IGFN1: variants seen among roughly 807,000 people sequenced by gnomAD.
IGFN1 encodes the protein immunoglobulin like and fibronectin type III domain containing 1, also known as immunoglobulin-like and fibronectin type III domain-containing protein 1.
A neutral mutation model predicts 289.5 loss-of-function variants in IGFN1; 253 were observed. That is an observed-to-expected ratio of 0.87 (90% CI 0.79 to 0.97). The LOEUF (loss-of-function observed/expected upper bound fraction) is 0.97. IGFN1 is among the 50% of genes least tolerant of loss of function. The pLI, the probability that IGFN1 is intolerant of heterozygous loss-of-function variation, is 0.00. For missense variants in IGFN1, 4,470 were observed against 4,686.1 expected (o/e 0.95, Z 1.35); for synonymous variants, 1,706 against 1,788.5 (o/e 0.95, Z 1.16).
chr1:201,228,394 A>G lies in IGFN1; in HGVS notation c.11122A>G (p.Thr3708Ala). ...TATCCTGTGTCTTGCAGAACCCAGC[A>G]CCTAGCCTCACCTCACCCTGGGATG... The part of the protein sequence containing the change: ...TATLIVIEPS[T>A] The change falls in exon 24 of 24, where the codon ACC becomes GCC. Residue 3708 changes from threonine to alanine, a missense_variant. Transcript: ENST00000335211. 6.2e-7 allele frequency: 1 copy of G among 1,613,952 alleles called. No individual in the cohort carries two copies. The highest frequency in any genetic ancestry group is 8.5e-7 in the Non-Finnish European group (1 of 1,179,954).
intron 4 of IGFN1, 76 bp from the exon 5 acceptor site, chr1:201,197,142 C>A: frequency 1.2e-6 from 1 of 865,656 alleles, no homozygotes; most frequent in South Asian, 1.5e-5. Context: ...TTTATACCCC[C>A]AACACATAGC....
At chr1:201,192,592 G>C (rs1244178680) in intron 1 of IGFN1, among the ~76,000 whole-genome samples, 1 of 152,190 alleles carries the variant, frequency 6.6e-6, no homozygotes, top group African/African-American at 2.4e-5. Flanking sequence ...GATTTATGGG[G>C]ATCCTACAGG....
Position 201,228,718 on chromosome 1 carries a change from C to A in IGFN1, c.*319C>A. On this transcript the variant is annotated 3_prime_UTR_variant, in exon 24 of 24. Transcript: ENST00000335211. ...GAGGGCACCTGCCTGCAGGATGGGC[C>A]GGCTCCTTATTTTCCTGGGCTGAGC... 2.5e-6 allele frequency: 1 copy of A among 399,414 alleles called. No homozygotes were observed. Among genetic ancestry groups the A allele is most frequent in the Non-Finnish European group, 4.6e-6 (1 of 217,176 alleles). 24.7% of individuals were successfully genotyped at this position (399,414 alleles called of 1,614,324 possible).
chr1:201,228,493 GC>G lies in IGFN1; in HGVS notation c.*97del. On this transcript the variant is annotated 3_prime_UTR_variant, in exon 24 of 24. Coordinates refer to ENST00000335211, the MANE Select transcript of IGFN1 (RefSeq NM_001164586.2). ...AGCCAATCCCAAGGATGGAGGCTGTGCCCAGAGCCCCAGGAAAATGGGAGTG... is the reference window on the plus strand; with the variant it reads ...AGCCAATCCCAAGGATGGAGGCTGTGCCAGAGCCCCAGGAAAATGGGAGTG... 7.4e-7 allele frequency: 1 copy of G among 1,344,996 alleles called. No individual in the cohort carries two copies. The highest frequency in any genetic ancestry group is 1.2e-5 in the South Asian group (1 of 85,714). 83.3% of individuals were successfully genotyped at this position (1,344,996 alleles called of 1,614,324 possible).
rs1298734195 is a variant in IGFN1, at chr1:201,207,885, C to A, written c.2992C>A (p.Pro998Thr). The change falls in exon 12 of 24, where the codon CCT becomes ACT. Residue 998 changes from proline (P) to threonine (T), a missense_variant. Pro to Thr is a conservative substitution (Grantham distance 38). Coordinates refer to ENST00000335211, the MANE Select transcript of IGFN1 (RefSeq NM_001164586.2). ...TGGTTGTAGAGTTTCCCCTAGGGCA[C>A]CTGCGGGAGTGGAGTCTGAGGAAGG... Reference protein sequence around the residue: ...GAGCRVSPRAPAGVESEEGGG... With the variant: ...GAGCRVSPRATAGVESEEGGG... 1.6e-5 allele frequency: 25 copies of A among 1,536,170 alleles called. No homozygotes were observed. The highest frequency in any genetic ancestry group is 2.0e-5 in the Non-Finnish European group (23 of 1,146,430).
chr1:201,196,847 T>C (rs1052639340), intron 4 of IGFN1, among the ~76,000 whole-genome samples: 1 of 152,180 alleles, frequency 6.6e-6, no homozygotes, highest in African/African-American at 2.4e-5. Flanking sequence ...ATTCACCACT[T>C]TTTTGAGGTA....
In IGFN1 at chr1:201,206,411, T is replaced by G. The variant is rs533728016; in HGVS notation, c.1518T>G (p.Asn506Lys). 71 of 1,550,718 alleles carry G rather than the reference T, an allele frequency of 4.6e-5. No homozygotes were observed. In the East Asian group the frequency reaches 7.8e-4, roughly 17 times the overall value. ...GCAGAGCCACTCTTCCCAGGGAAAA[T>G]CAATCCCACAGAGAGGGAGGCTGGG... ...EGSRATLPRE[N>K]QSHREGGWAR... Residue 506 changes from asparagine to lysine, a missense_variant, in exon 12 of 24, where the codon AAT becomes AAG. Around this residue, in one of 8 missense-constraint regions of IGFN1, gnomAD observed 2,011 missense variants for 1,953.4 expected, o/e 1.03. Transcript: ENST00000335211.
At chr1:201,214,333 A>C (rs774222419) in intron 13 of IGFN1, 32 bp downstream of exon 13, 1 of 1,580,512 alleles carries the variant, frequency 6.3e-7, no homozygotes, top group African/African-American at 1.3e-5. Flanking sequence ...TCTCTTTACC[A>C]GTGGGAGGGA....
chr1:201,222,861 C>G (rs1425833433), intron 20 of IGFN1, 34 bp downstream of exon 20: 1 of 1,493,962 alleles, frequency 6.7e-7, no homozygotes. Flanking sequence ...GGGAGGGAAG[C>G]CCAGAGAGGC....
Position 201,197,224 on chromosome 1 carries a change from A to C in IGFN1, c.274A>C (p.Lys92Gln), listed in dbSNP as rs551342884. Residue 92 changes from lysine (K) to glutamine (Q), a missense_variant, in exon 5 of 24, where the codon AAG (lysine) becomes CAG (glutamine). Lys to Gln is a moderately conservative substitution (Grantham distance 53). Around this residue, in one of 8 missense-constraint regions of IGFN1, gnomAD observed 2,011 missense variants for 1,953.4 expected, o/e 1.03. Coordinates refer to ENST00000335211, the MANE Select transcript of IGFN1 (RefSeq NM_001164586.2). ...GSKEHVLQINKLTGEDTDLYR... is the reference protein window; with the variant it reads ...GSKEHVLQINQLTGEDTDLYR... ...GCCCTTGGCCTCTCTGCAGATCAAC[A>C]AGCTGACAGGCGAGGACACGGATCT... 9.7e-6 allele frequency: 15 copies of C among 1,549,922 alleles called. No individual in the cohort carries two copies. The South Asian group carries it at 1.8e-4, about 18-fold the overall frequency.
chr1:201,199,308 C>T lies in IGFN1; in HGVS notation c.368-26C>T, dbSNP rs1225022926. The T allele has an allele frequency of 1.9e-6, 3 of 1,550,852 alleles. No homozygotes were observed. The East Asian group carries it at 7.3e-5, about 38-fold the overall frequency. ...TCTCCCTGCTTGTCCACATCGACTC[C>T]TTCCTCTCCTCCCTGGATGTTGCAG... On this transcript the variant is annotated intron_variant, in intron 5 of 23. Coordinates refer to ENST00000335211, the MANE Select transcript of IGFN1 (RefSeq NM_001164586.2).
chr1:201,228,340 G>A (rs369724069), intron 23 of IGFN1, 46 bp from the exon 24 acceptor site: 14 of 1,600,896 alleles, frequency 8.7e-6, no homozygotes, highest in Non-Finnish European at 1.2e-5. Flanking sequence ...ATGCAGGGTG[G>A]GGTGGCTGCC....
In IGFN1 at chr1:201,226,758, A is replaced by T. The variant is rs78911582; in HGVS notation, c.10787-124A>T. On this transcript the variant is annotated intron_variant, in intron 22 of 23. Coordinates refer to ENST00000335211, the MANE Select transcript of IGFN1 (RefSeq NM_001164586.2). ...CTTGGGGTCCAAATTTGCAGGCAAG[A>T]TGTGGCAGGAAATCCCAGATAAGGC... 1.1e-3 allele frequency: 800 copies of T among 745,268 alleles called. 4 individuals carry two copies. In the African/African-American group the frequency reaches 0.013, roughly 12 times the overall value. 46.2% of individuals were successfully genotyped at this position (745,268 alleles called of 1,614,324 possible).
At chr1:201,216,991 G>A (rs574895570) in intron 16 of IGFN1, among the ~76,000 whole-genome samples, 2 of 152,120 alleles carry the variant, frequency 1.3e-5, no homozygotes, top group Admixed American at 6.5e-5. Context: ...GCCCACTGTC[G>A]CGGGTCCCAG....
At chr1:201,227,343 T>C (rs1654177639) in intron 23 of IGFN1, 135 bp downstream of exon 23, 10 of 619,666 alleles carry the variant, frequency 1.6e-5, no homozygotes, top group South Asian at 2.3e-5. Flanking sequence ...TGCCTGACTC[T>C]ATGAACTTTC....
In IGFN1 at chr1:201,226,228, A is replaced by G. The variant is rs962843320; in HGVS notation, c.10786+105A>G. On this transcript the variant is annotated intron_variant, in intron 22 of 23. Transcript: ENST00000335211. Reference sequence around the variant, plus strand: ...AAGCGCGCAGGATAGGGACTGTGGCAGGGATGGCCTGGAGCATGCCAAATA... The same window carrying G: ...AAGCGCGCAGGATAGGGACTGTGGCGGGGATGGCCTGGAGCATGCCAAATA... The G allele has an allele frequency of 7.8e-6, 10 of 1,283,966 alleles. No individual in the cohort carries two copies. The African/African-American group carries it at 9.1e-5, about 12-fold the overall frequency. 79.5% of individuals were successfully genotyped at this position (1,283,966 alleles called of 1,614,324 possible).
At position 201,203,798 on chromosome 1, in the gene IGFN1, G is replaced by A; in HGVS notation, c.808G>A (p.Gly270Arg). ...AACCAAGCACTGTCTGCGCCGGCTGGGGAAGCGCTATGAGTTCCAGATTCA... is the reference window on the plus strand; with the variant it reads ...AACCAAGCACTGTCTGCGCCGGCTGAGGAAGCGCTATGAGTTCCAGATTCA... Reference protein sequence around the residue: ...NQTKHCLRRLGKRYEFQIQDL... With the variant: ...NQTKHCLRRLRKRYEFQIQDL... Residue 270 changes from glycine to arginine, a missense_variant, in exon 10 of 24, where the codon GGG becomes AGG. Around this residue, in one of 8 missense-constraint regions of IGFN1, gnomAD observed 2,011 missense variants for 1,953.4 expected, o/e 1.03. Coordinates refer to ENST00000335211, the MANE Select transcript of IGFN1 (RefSeq NM_001164586.2). The A allele has an allele frequency of 1.9e-6, 3 of 1,551,726 alleles. No homozygotes were observed. Among genetic ancestry groups the A allele is most frequent in the Non-Finnish European group, 2.6e-6 (3 of 1,147,024 alleles).
chr1:201,209,539 C>T lies in IGFN1; in HGVS notation c.4646C>T (p.Thr1549Met), dbSNP rs199718718. ...AIGSGSKAGF[T>M]DGLGGSEEMG... ...GGTTCAGGGAGTAAGGCAGGTTTTA[C>T]GGATGGTTTAGGAGGTTCTGAAGAA... The change falls in exon 12 of 24, where the codon ACG becomes ATG. Residue 1549 changes from threonine to methionine, a missense_variant. By Grantham distance (81) the Thr-to-Met change is moderately conservative. Around this residue, in one of 8 missense-constraint regions of IGFN1, gnomAD observed 2,011 missense variants for 1,953.4 expected, o/e 1.03. Coordinates refer to ENST00000335211, the MANE Select transcript of IGFN1 (RefSeq NM_001164586.2). 79 of 1,270,028 alleles carry T rather than the reference C, an allele frequency of 6.2e-5. 1 individual carries two copies. The highest frequency in any genetic ancestry group is 2.2e-4 in the African/African-American group (10 of 46,496). 78.7% of individuals were successfully genotyped at this position (1,270,028 alleles called of 1,614,324 possible). A position where few individuals can be genotyped will look rare whatever the true frequency, so the allele number is the denominator to read the frequency against.
chr1:201,221,589 G>C lies in IGFN1; in HGVS notation c.10044G>C (p.Trp3348Cys), dbSNP rs754990151. 7 of 1,614,078 alleles carry C rather than the reference G, an allele frequency of 4.3e-6. No homozygotes were observed. The highest frequency in any genetic ancestry group is 4.2e-6 in the Non-Finnish European group (5 of 1,180,022). Residue 3348 changes from tryptophan to cysteine, a missense_variant, in exon 19 of 24, where the codon TGG (tryptophan) becomes TGC (cysteine). Physicochemically the swap from Trp to Cys is radical, Grantham distance 215 (BLOSUM62 -2). Coordinates refer to ENST00000335211, the MANE Select transcript of IGFN1 (RefSeq NM_001164586.2). ...TGTGCAGCTCAGACAGTCTCCAGTG[G>C]CTCCCGTGCCATGTGGGCACCGTGC... ...VELCSSDSLQ[W>C]LPCHVGTVPV...
Sources: gnomAD v4.1 joint callset for allele counts (sites outside exome capture counted in the v4.1 genomes callset) on GRCh38, gnomAD v4.1.1 for gene constraint, gnomAD v4.1.1 regional missense constraint, MANE v1.5 for transcripts, NCBI Gene and HGNC (gene_info 2026-07-23, HGNC 2026-07-21) for gene names.